Variants in ATRX observed in about 807,000 individuals in gnomAD.
The protein encoded by ATRX is ATRX chromatin remodeler.
ATRX carries 12 observed loss-of-function variants against 172.6 expected under a neutral mutation model. The ratio of observed to expected loss-of-function variants is 0.07; its 90% CI spans 0.04 to 0.11. ATRX has a LOEUF of 0.11. ATRX is among the 10% of genes least tolerant of loss of function. The probability of loss-of-function intolerance (pLI) is 1.00; values close to 1 mark genes in which losing one functional copy is unlikely to be tolerated. For synonymous variants in ATRX, 674 were observed against 594.7 expected (o/e 1.13, Z -1.94); for missense variants, 1,368 against 1,767.4 (o/e 0.77, Z 4.05).
chrX:77,747,475 G>C (rs1362477414), intron 1 of ATRX, among the ~76,000 whole-genome samples: 1 of 111,455 alleles, frequency 9.0e-6, no homozygotes, highest in African/African-American at 3.3e-5. Context: ...AGTGAGCTGA[G>C]ACTGCGCTAC....
chrX:77,651,408 T>C (rs112444010), intron 15 of ATRX, among the ~76,000 whole-genome samples: 1 of 111,048 alleles, frequency 9.0e-6, no homozygotes, highest in Admixed American at 9.6e-5. Context: ...GAAGTAATTT[T>C]GAAACATTTC....
intron 28 of ATRX, among the ~76,000 whole-genome samples, chrX:77,569,767 T>C (rs782113201): frequency 2.1e-4 from 23 of 112,082 alleles, no homozygotes; most frequent in Non-Finnish European, 3.0e-4. Flanking sequence ...AATGGAGACA[T>C]ACACTGTGTT....
At chrX:77,625,691 A>G (rs2067801886) in intron 19 of ATRX, among the ~76,000 whole-genome samples, 1 of 111,410 alleles carries the variant, frequency 9.0e-6, no homozygotes, top group South Asian at 3.8e-4. Flanking sequence ...CAAAAACACA[A>G]TGTGATACCA....
intron 1 of ATRX, among the ~76,000 whole-genome samples, chrX:77,734,557 C>T (rs986343844): frequency 8.9e-6 from 1 of 111,857 alleles, no homozygotes; most frequent in Non-Finnish European, 1.9e-5. Flanking sequence ...GAGGCCAAGG[C>T]GGAAGGATCA....
intron 27 of ATRX, among the ~76,000 whole-genome samples, chrX:77,586,279 C>A (rs1162805512): frequency 1.8e-5 from 2 of 111,077 alleles, no homozygotes; most frequent in African/African-American, 6.6e-5. Context: ...CTACCATGCA[C>A]CCACAAAAAT....
chrX:77,528,999 A>G (rs782296449), intron 30 of ATRX, among the ~76,000 whole-genome samples: 92 of 112,393 alleles, frequency 8.2e-4, no homozygotes, highest in Non-Finnish European at 1.5e-3. Flanking sequence ...AAAACACAAC[A>G]TGAGAACTTC....
intron 1 of ATRX, 157 bp downstream of exon 1, chrX:77,785,825 T>A (rs1603353818): frequency 5.6e-6 from 4 of 708,318 alleles, no homozygotes; most frequent in Non-Finnish European, 6.5e-6. Flanking sequence ...CTTGCGCCGA[T>A]ACCCCGAAAC....
At chrX:77,771,533 T>C (rs1426725483) in intron 1 of ATRX, among the ~76,000 whole-genome samples, 1 of 110,077 alleles carries the variant, frequency 9.1e-6, no homozygotes, top group Non-Finnish European at 1.9e-5. Flanking sequence ...TTCCACCACC[T>C]AGAATATTTC....
In ATRX at chrX:77,508,168, G is replaced by C; in HGVS notation, c.*183C>G. The C allele has an allele frequency of 2.0e-6, 1 of 488,326 alleles. No individual in the cohort carries two copies. Among genetic ancestry groups the C allele is most frequent in the South Asian group, 3.5e-5 (1 of 28,791 alleles). 40.2% of individuals were successfully genotyped at this position (488,326 alleles called of 1,213,427 possible). On this transcript the variant is annotated 3_prime_UTR_variant, in exon 35 of 35. Transcript: ENST00000373344. The stretch of plus-strand genomic sequence containing the variant: ...TAAGAAGATTCTAGGCAACATCACT[G>C]ACAAATGTCAGGAAGAAATGGTATG...
intron 22 of ATRX, 163 bp from the exon 23 acceptor site, chrX:77,600,727 AT>A: frequency 2.1e-6 from 1 of 466,542 alleles, no homozygotes; most frequent in Non-Finnish European, 3.6e-6. Context: ...AACAAATAGG[AT>A]TACAAAAGAA....
intron 30 of ATRX, among the ~76,000 whole-genome samples, chrX:77,543,800 G>A (rs782802934): frequency 2.0e-4 from 22 of 109,440 alleles, no homozygotes; most frequent in Non-Finnish European, 3.6e-4. Flanking sequence ...ACACACTGGG[G>A]CCTGTTGAGG....
intron 9 of ATRX, 48 bp from the exon 10 acceptor site, chrX:77,676,346 A>C (rs370299270): frequency 1.9e-5 from 21 of 1,114,864 alleles, no homozygotes; most frequent in Non-Finnish European, 2.5e-5. Flanking sequence ...TAAGCTATAT[A>C]ATTAAAACCA....
intron 15 of ATRX, among the ~76,000 whole-genome samples, chrX:77,649,187 A>AAAGGAAGG (rs782465684): frequency 6.4e-5 from 7 of 109,902 alleles, no homozygotes; most frequent in Non-Finnish European, 5.7e-5. Context: ...AGAAAGAAAG[A>AAAGGAAGG]AAGGAAGGAA....
chrX:77,524,354 T>G (rs1198592636), intron 30 of ATRX, among the ~76,000 whole-genome samples: 1 of 112,340 alleles, frequency 8.9e-6, no homozygotes, highest in African/African-American at 3.2e-5. Flanking sequence ...GCATTTCTGA[T>G]CAAATGAAAG....
intron 1 of ATRX, among the ~76,000 whole-genome samples, chrX:77,750,302 T>G (rs782428527): frequency 1.8e-5 from 2 of 111,318 alleles, no homozygotes; most frequent in Non-Finnish European, 3.8e-5. Flanking sequence ...TTGGAACTTA[T>G]CCCGTGTGAA....
At chrX:77,732,802 C>T (rs956516789) in intron 1 of ATRX, among the ~76,000 whole-genome samples, 49 of 111,273 alleles carry the variant, frequency 4.4e-4, no homozygotes, top group Admixed American at 3.8e-4. Flanking sequence ...TACAACACAC[C>T]CACAACTGGT....
intron 30 of ATRX, among the ~76,000 whole-genome samples, chrX:77,540,452 G>T (rs1357820882): frequency 2.7e-5 from 3 of 111,338 alleles, no homozygotes; most frequent in Non-Finnish European, 5.7e-5. Flanking sequence ...ACTCAGCTCT[G>T]GACCAAATGG....
intron 30 of ATRX, among the ~76,000 whole-genome samples, chrX:77,551,212 A>G (rs1326886465): frequency 2.4e-4 from 27 of 112,074 alleles, no homozygotes; most frequent in African/African-American, 8.7e-4. Flanking sequence ...CTGACTTCAA[A>G]CTATACTACA....
chrX:77,600,551 A>G lies in ATRX; in HGVS notation c.5580T>C (p.Asn1860=). 4 of 1,210,543 alleles carry G rather than the reference A, an allele frequency of 3.3e-6. No individual in the cohort carries two copies. Among genetic ancestry groups the G allele is most frequent in the Non-Finnish European group, 4.5e-6 (4 of 894,711 alleles). The change falls in exon 23 of 35, where the codon AAT becomes AAC. Residue 1860 remains asparagine (N), a synonymous_variant. Transcript: ENST00000373344. ...CTGCCTTTCCTCTTCCACCTTCACT[A>G]TTATTGCCCACACCTGATCAAAAGA... ...YLDHLTGVGN[N]SEGGRGKAGA...
Sources: allele counts gnomAD v4.1 joint callset (sites outside exome capture counted in the v4.1 genomes callset), GRCh38; gene constraint gnomAD v4.1.1; transcripts MANE v1.5; gene names NCBI Gene and HGNC (gene_info 2026-07-23, HGNC 2026-07-21).